Variants in ST6GALNAC3 observed in about 807,000 individuals in gnomAD.
ST6GALNAC3 encodes alpha-N-acetylgalactosaminide alpha-2,6-sialyltransferase 3.
In ST6GALNAC3, 25 loss-of-function variants were observed where a neutral mutation model predicts 32.7. The observed-to-expected ratio is 0.76, with a 90% confidence interval of 0.56 to 1.07. The LOEUF (loss-of-function observed/expected upper bound fraction) is 1.07, where lower values mean the gene tolerates loss of function less well. Ranked by LOEUF, ST6GALNAC3 falls within the 50% of genes least tolerant of loss-of-function variation. The pLI, the probability that ST6GALNAC3 is intolerant of heterozygous loss-of-function variation, is 0.00. For missense variants in ST6GALNAC3, 355 were observed against 382.4 expected (o/e 0.93, Z 0.60); for synonymous variants, 129 against 133.1 (o/e 0.97, Z 0.21).
intron 1 of ST6GALNAC3, among the ~76,000 whole-genome samples, chr1:76,312,849 G>A (rs1367996141): frequency 6.6e-6 from 1 of 152,166 alleles, no homozygotes; most frequent in Admixed American, 6.5e-5. Context: ...ATGAGTAACT[G>A]TATGTATTCT....
intron 3 of ST6GALNAC3, among the ~76,000 whole-genome samples, chr1:76,548,689 A>G (rs1391039097): frequency 1.3e-5 from 2 of 152,156 alleles, no homozygotes; most frequent in Non-Finnish European, 2.9e-5. Context: ...CAACCTCTAT[A>G]GTAAAGGAAG....
intron 1 of ST6GALNAC3, among the ~76,000 whole-genome samples, chr1:76,238,559 G>A (rs1656787791): frequency 6.6e-6 from 1 of 152,200 alleles, no homozygotes; most frequent in African/African-American, 2.4e-5. Flanking sequence ...TTTAGCTGAG[G>A]AGATGGATGA....
chr1:76,112,364 C>T (rs1220857571), intron 1 of ST6GALNAC3, among the ~76,000 whole-genome samples: 4 of 141,458 alleles, frequency 2.8e-5, no homozygotes, highest in African/African-American at 1.1e-4. Flanking sequence ...GCTGGCCGGG[C>T]GGGGGGCTGA....
intron 2 of ST6GALNAC3, among the ~76,000 whole-genome samples, chr1:76,368,838 T>C (rs1283741025): frequency 6.6e-6 from 1 of 152,050 alleles, no homozygotes; most frequent in Non-Finnish European, 1.5e-5. Context: ...GCTGTGGAAA[T>C]CAATAGTTTT....
intron 1 of ST6GALNAC3, among the ~76,000 whole-genome samples, chr1:76,152,131 A>C (rs943290326): frequency 1.3e-5 from 2 of 152,242 alleles, no homozygotes; most frequent in African/African-American, 4.8e-5. Flanking sequence ...GAGAAAAAGC[A>C]AAAGAATGGC....
At chr1:76,418,035 C>T (rs1050880907) in intron 3 of ST6GALNAC3, among the ~76,000 whole-genome samples, 6 of 152,106 alleles carry the variant, frequency 3.9e-5, no homozygotes, top group African/African-American at 1.4e-4. Context: ...TCATCTTTGC[C>T]AGCCTGTTCC....
chr1:76,200,762 T>A (rs2100538909), intron 1 of ST6GALNAC3, among the ~76,000 whole-genome samples: 1 of 152,300 alleles, frequency 6.6e-6, no homozygotes, highest in East Asian at 1.9e-4. Flanking sequence ...GAAGGGTGTC[T>A]ATGTAGATGT....
At chr1:76,201,607 C>T (rs1003434247) in intron 1 of ST6GALNAC3, among the ~76,000 whole-genome samples, 7 of 152,012 alleles carry the variant, frequency 4.6e-5, no homozygotes, top group Non-Finnish European at 1.0e-4. Flanking sequence ...ATAATAGCTT[C>T]CCTGCTTAGG....
intron 3 of ST6GALNAC3, among the ~76,000 whole-genome samples, chr1:76,619,059 GA>G (rs11345472): frequency 0.15 from 22,160 of 150,578 alleles, 2,645 homozygotes; most frequent in African/African-American, 0.34. Context: ...GGACTGTTAA[GA>G]AAAAAATCAG....
chr1:76,547,247 G>A (rs1050922608), intron 3 of ST6GALNAC3, among the ~76,000 whole-genome samples: 4 of 152,148 alleles, frequency 2.6e-5, no homozygotes, highest in African/African-American at 9.7e-5. Flanking sequence ...TAGACCAACC[G>A]AAAACACATT....
At chr1:76,149,309 T>A (rs1231083827) in intron 1 of ST6GALNAC3, among the ~76,000 whole-genome samples, 1 of 152,214 alleles carries the variant, frequency 6.6e-6, no homozygotes, top group African/African-American at 2.4e-5. Context: ...CTGTTTTCCA[T>A]GTCTAGATAT....
At chr1:76,395,801 A>T (rs1652910598) in intron 2 of ST6GALNAC3, among the ~76,000 whole-genome samples, 1 of 152,190 alleles carries the variant, frequency 6.6e-6, no homozygotes, top group Non-Finnish European at 1.5e-5. Flanking sequence ...ATAGAATGAT[A>T]GTTACCAGAG....
At chr1:76,386,412 G>A (rs531057436) in intron 2 of ST6GALNAC3, among the ~76,000 whole-genome samples, 11,256 of 152,256 alleles carry the variant, frequency 0.074, 467 homozygotes, top group Middle Eastern at 0.12. Flanking sequence ...TAAGCATTCA[G>A]TAAATTATAG....
intron 4 of ST6GALNAC3, 152 bp downstream of exon 4, chr1:76,627,711 C>T (rs111987138): frequency 2.8e-4 from 197 of 701,382 alleles, no homozygotes; most frequent in African/African-American, 2.1e-3. Context: ...ATTGTCAGTG[C>T]GTCAAGTTGT....
chr1:76,615,394 G>A (rs1206987526), intron 3 of ST6GALNAC3, among the ~76,000 whole-genome samples: 2 of 152,116 alleles, frequency 1.3e-5, no homozygotes, highest in Non-Finnish European at 2.9e-5. Flanking sequence ...AAAAACAAGA[G>A]TTGGCAGGTA....
At chr1:76,285,096 T>C (rs1048918064) in intron 1 of ST6GALNAC3, among the ~76,000 whole-genome samples, 4 of 152,182 alleles carry the variant, frequency 2.6e-5, no homozygotes, top group African/African-American at 9.7e-5. Context: ...AGATGTTTAA[T>C]GGACTAGAAA....
intron 1 of ST6GALNAC3, among the ~76,000 whole-genome samples, chr1:76,177,813 G>A (rs932469923): frequency 2.0e-5 from 3 of 152,174 alleles, no homozygotes; most frequent in African/African-American, 4.8e-5. Context: ...ATCTCCTAAC[G>A]GGCTTTGGTA....
intron 2 of ST6GALNAC3, among the ~76,000 whole-genome samples, chr1:76,320,885 G>A (rs1271950120): frequency 6.6e-6 from 1 of 151,238 alleles, no homozygotes; most frequent in Non-Finnish European, 1.5e-5. Flanking sequence ...AACATACATA[G>A]AATATATACA....
intron 3 of ST6GALNAC3, among the ~76,000 whole-genome samples, chr1:76,511,059 C>T (rs761857516): frequency 2.6e-5 from 4 of 152,144 alleles, no homozygotes; most frequent in African/African-American, 9.7e-5. Context: ...TGGGGTTTCT[C>T]AAACACATCT....
Sources: allele counts gnomAD v4.1 joint callset (sites outside exome capture counted in the v4.1 genomes callset), GRCh38; gene constraint gnomAD v4.1.1; transcripts MANE v1.5; gene names NCBI Gene and HGNC (gene_info 2026-07-23, HGNC 2026-07-21).